AMOTL1: variants seen among roughly 807,000 people sequenced by gnomAD.
AMOTL1 encodes the protein angiomotin-like protein 1.
AMOTL1 carries 45 observed loss-of-function variants against 102.9 expected under a neutral mutation model. The observed-to-expected ratio is 0.44, with a 90% CI of 0.34 to 0.56. The LOEUF is 0.56. Among genes scored for constraint, AMOTL1 ranks in the 20% least tolerant of loss-of-function variants. The pLI is 0.01. For synonymous variants in AMOTL1, 481 were observed against 484.7 expected, an observed-to-expected ratio of 0.99 and a Z score of 0.10; for missense variants, 1,114 against 1,225.6, an observed-to-expected ratio of 0.91 and a Z score of 1.36.
chr11:94,867,658 A>C (rs1006217295), intron 11 of AMOTL1, among the ~76,000 whole-genome samples: 3 of 152,220 alleles, frequency 2.0e-5, no homozygotes, highest in African/African-American at 7.2e-5. Flanking sequence ...ACAGTTCCCC[A>C]CATGTTGTCA....
chr11:94,792,802 AG>A (rs1413525915), intron 1 of AMOTL1, among the ~76,000 whole-genome samples: 1 of 152,166 alleles, frequency 6.6e-6, no homozygotes, highest in Non-Finnish European at 1.5e-5. Context: ...CATGACACTG[AG>A]GAAACAGTGG....
chr11:94,837,650 T>A (rs1307830363), intron 6 of AMOTL1, among the ~76,000 whole-genome samples: 1 of 152,180 alleles, frequency 6.6e-6, no homozygotes, highest in African/African-American at 2.4e-5. Context: ...CCTCCCCAAG[T>A]GTGAAAATTA....
In AMOTL1 at chr11:94,830,128, A is replaced by G. The variant is rs753315224; in HGVS notation, c.1492A>G (p.Lys498Glu). The G allele has an allele frequency of 3.1e-6, 5 of 1,611,298 alleles. No individual in the cohort carries two copies. In the African/African-American group the frequency reaches 6.7e-5, roughly 22 times the overall value. Residue 498 changes from lysine (K) to glutamate (E), a missense_variant, in exon 5 of 13, where the codon AAG (lysine) becomes GAG (glutamate). Physicochemically the swap from Lys to Glu is moderately conservative, Grantham distance 56. Coordinates refer to ENST00000433060, the MANE Select transcript of AMOTL1 (RefSeq NM_130847.3). ...TACCACCAAGCGAGAATCGCTGGAC[A>G]AGGCCATGAGAAACAAATTGGAAGG... ...KSTTKRESLD[K>E]AMRNKLEGEI...
At chr11:94,726,099 G>A (rs987225236) in intron 1 of AMOTL1, among the ~76,000 whole-genome samples, 15 of 152,168 alleles carry the variant, frequency 9.9e-5, no homozygotes, top group African/African-American at 3.6e-4. Context: ...TGATCAGTTG[G>A]ATGTGAGATG....
At chr11:94,713,632 G>A (rs1258563024) in intron 1 of AMOTL1, among the ~76,000 whole-genome samples, 1 of 151,546 alleles carries the variant, frequency 6.6e-6, no homozygotes, top group African/African-American at 2.4e-5. Context: ...ACTTTCTTTG[G>A]AGCAATTGAA....
At chr11:94,708,918 C>A (rs921843707) in intron 1 of AMOTL1, among the ~76,000 whole-genome samples, 2 of 152,070 alleles carry the variant, frequency 1.3e-5, no homozygotes, top group East Asian at 1.9e-4. Flanking sequence ...CAAATACCTG[C>A]GGACAGAGTG....
At position 94,808,195 on chromosome 11, in the gene AMOTL1, CTGCTT is replaced by C. The variant is rs1473253591; in HGVS notation, c.1121+7885_1121+7889del. Among the ~76,000 whole-genome samples the C allele has an allele frequency of 4.0e-5, 6 of 149,248 alleles. No homozygotes were observed. The East Asian group carries it at 7.8e-4, about 19-fold the overall frequency. ...ACAGACACAACTCAAAATCATCCCT[CTGCTT>C]ACCTGAGAAATACATGTGATTGCTT... On this transcript the variant is annotated intron_variant, in intron 3 of 12. Coordinates refer to ENST00000433060, the MANE Select transcript of AMOTL1 (RefSeq NM_130847.3).
intron 3 of AMOTL1, among the ~76,000 whole-genome samples, chr11:94,742,349 C>G (rs566393829): frequency 6.6e-6 from 1 of 152,242 alleles, no homozygotes; most frequent in Non-Finnish European, 1.5e-5. Flanking sequence ...CATTGACACT[C>G]CACAGTGCGA....
chr11:94,808,965 C>CTTTTTTTTTTTTTTTTT (rs199619372), intron 3 of AMOTL1, among the ~76,000 whole-genome samples: 1 of 111,894 alleles, frequency 8.9e-6, no homozygotes. Flanking sequence ...TTCTTTCTTT[C>CTTTTTTTTTTTTTTTTT]TTTTTTTTTT....
chr11:94,840,046 CT>C (rs967526404), intron 6 of AMOTL1, among the ~76,000 whole-genome samples: 1 of 152,082 alleles, frequency 6.6e-6, no homozygotes, highest in African/African-American at 2.4e-5. Flanking sequence ...CAGATACCCC[CT>C]GCCCCAAATT....
intron 1 of AMOTL1, among the ~76,000 whole-genome samples, chr11:94,786,609 T>G (rs1951193834): frequency 6.6e-6 from 1 of 152,192 alleles, no homozygotes; most frequent in African/African-American, 2.4e-5. Context: ...TTATTATTAT[T>G]ACACTTTAAG....
At chr11:94,766,614 G>A (rs761429949), upstream of AMOTL1, among the ~76,000 whole-genome samples, 6 of 152,030 alleles carry the variant, frequency 3.9e-5, no homozygotes, top group African/African-American at 1.4e-4. Flanking sequence ...TTAAATTCGC[G>A]CAAATGTTAG....
In AMOTL1 at chr11:94,799,730, G is replaced by T. The variant is rs1243341689; in HGVS notation, c.540G>T (p.Gln180His). 6.2e-7 allele frequency: 1 copy of T among 1,613,170 alleles called. No individual in the cohort carries two copies. The highest frequency in any genetic ancestry group is 2.2e-5 in the East Asian group (1 of 44,878). Residue 180 changes from glutamine (Q) to histidine (H), a missense_variant, in exon 3 of 13, where the codon CAG (glutamine) becomes CAT (histidine). Transcript: ENST00000433060. The surrounding 1 kb of genome is among the most constrained non-coding windows in gnomAD (Gnocchi z 4.5). ...TGGAGAAACAGGTCCGGTCCACGCA[G>T]CCTCAGCAGAACAACGAGGAACTGC... Reference protein sequence around the residue: ...TVMEKQVRSTQPQQNNEELPT... With the variant: ...TVMEKQVRSTHPQQNNEELPT...
At chr11:94,835,705 C>T (rs945137732) in intron 6 of AMOTL1, among the ~76,000 whole-genome samples, 5 of 152,286 alleles carry the variant, frequency 3.3e-5, no homozygotes, top group Middle Eastern at 3.4e-3. Context: ...CTATCTCCAC[C>T]GCTTTGGGAT....
rs36099296 is a variant in AMOTL1, at chr11:94,819,443, A to AT, written c.1122-2080dup. ...CATATGTGATTAGTTCCTCTGCCCT[A>AT]TTTTTTTACTAAGCCAGACTAAGGT... On this transcript the variant is annotated intron_variant, in intron 3 of 12. Transcript: ENST00000433060. Among the ~76,000 whole-genome samples the AT allele has an allele frequency of 6.0e-3, 908 of 152,224 alleles. 9 individuals carry two copies. The highest frequency in any genetic ancestry group is 0.035 in the South Asian group (167 of 4,810).
intron 1 of AMOTL1, among the ~76,000 whole-genome samples, chr11:94,779,370 TATG>T (rs1478754605): frequency 6.6e-6 from 1 of 152,178 alleles, no homozygotes. Flanking sequence ...ACATCAGTAA[TATG>T]ATGTGTTGTT....
upstream of AMOTL1, among the ~76,000 whole-genome samples, chr11:94,766,028 T>C (rs1028013406): frequency 6.6e-6 from 1 of 152,212 alleles, no homozygotes; most frequent in Non-Finnish European, 1.5e-5. Context: ...GACTGCAAGA[T>C]CTATTCTTCC....
chr11:94,807,309 C>T (rs1224730385), intron 3 of AMOTL1, among the ~76,000 whole-genome samples: 2 of 152,024 alleles, frequency 1.3e-5, no homozygotes, highest in Admixed American at 6.6e-5. Context: ...TTTATTGAGT[C>T]AACAGAATTC....
intron 3 of AMOTL1, among the ~76,000 whole-genome samples, chr11:94,806,613 C>T (rs748141340): frequency 2.6e-5 from 4 of 152,052 alleles, no homozygotes; most frequent in Non-Finnish European, 2.9e-5. Context: ...GTATTTAGGC[C>T]GAATTATGGC....
Sources: allele counts gnomAD v4.1 joint callset (sites outside exome capture counted in the v4.1 genomes callset), GRCh38; gene constraint gnomAD v4.1.1; non-coding constraint Gnocchi (gnomAD v3.1); transcripts MANE v1.5; gene names NCBI Gene and HGNC (gene_info 2026-07-23, HGNC 2026-07-21).